Variants in LSR observed in about 807,000 individuals in gnomAD.
LSR encodes lipolysis-stimulated lipoprotein receptor.
LSR carries 44 observed loss-of-function variants against 61.8 expected under a neutral mutation model. The observed-to-expected ratio is 0.71, with a 90% CI of 0.56 to 0.91. The LOEUF is 0.91. Among genes scored for constraint, LSR ranks in the 40% least tolerant of loss-of-function variants. LSR has a pLI of 0.00. For missense variants in LSR, 911 were observed against 830.5 expected (o/e 1.10, Z -1.19); for synonymous variants, 397 against 350.6 (o/e 1.13, Z -1.48).
intron 4 of LSR, 143 bp from the exon 5 acceptor site, chr19:35,262,403 T>C (rs2065941825): frequency 2.1e-6 from 2 of 944,244 alleles, no homozygotes; most frequent in Non-Finnish European, 3.3e-6. Flanking sequence ...GCACAAAAAA[T>C]CCAGCCAGGG....
chr19:35,249,096 T>C lies in LSR; in HGVS notation c.74T>C (p.Val25Ala). ...HPAAAGRDAV[V>A]FVWLLLSTWC... is the part of the protein sequence containing the mutation. ...GCCGCCGCAGGCCGGGACGCGGTCG[T>C]CTTCGTGTGGCTTCTGCTTAGCACC... Residue 25 changes from valine to alanine, a missense_variant, in exon 1 of 10, where the codon GTC becomes GCC. Val to Ala is a moderately conservative substitution (Grantham distance 64). Transcript: ENST00000605618. 6.4e-7 allele frequency: 1 copy of C among 1,553,368 alleles called. No individual in the cohort carries two copies. The highest frequency in any genetic ancestry group is 8.7e-7 in the Non-Finnish European group (1 of 1,150,490).
At chr19:35,265,979 G>C (rs1327872619) in intron 5 of LSR, among the ~76,000 whole-genome samples, 1 of 152,210 alleles carries the variant, frequency 6.6e-6, no homozygotes, top group Admixed American at 6.5e-5. Context: ...ACAGACCATG[G>C]GTGGCCACTT....
rs1254982339 is a variant in LSR, at chr19:35,267,659, G to A, written c.1695G>A (p.Glu565=). ...RRRPHKEEEE[E]AYYPPAPPPY... Reference sequence around the variant, plus strand: ...GACCCCACAAGGAGGAGGAGGAAGAGGCCTACTACCCGCCCGCGCCGCCCC... The same window carrying A: ...GACCCCACAAGGAGGAGGAGGAAGAAGCCTACTACCCGCCCGCGCCGCCCC... Residue 565 remains glutamate (E), a synonymous_variant, in exon 9 of 10, where the codon GAG becomes GAA. Coordinates refer to ENST00000605618, the MANE Select transcript of LSR (RefSeq NM_205834.4). 1.2e-6 allele frequency: 2 copies of A among 1,607,640 alleles called. No individual in the cohort carries two copies. Among genetic ancestry groups the A allele is most frequent in the Non-Finnish European group, 1.7e-6 (2 of 1,177,698 alleles).
chr19:35,255,747 C>G (rs2065848455), intron 2 of LSR, among the ~76,000 whole-genome samples: 1 of 152,178 alleles, frequency 6.6e-6, no homozygotes, highest in Admixed American at 6.5e-5. Context: ...CCACTCCACG[C>G]CTGGCACTCT....
At position 35,266,730 on chromosome 19, in the gene LSR, T is replaced by C; in HGVS notation, c.1004T>C (p.Val335Ala). 1 of 1,608,866 alleles carries C rather than the reference T, an allele frequency of 6.2e-7. No individual in the cohort carries two copies. The highest frequency in any genetic ancestry group is 8.5e-7 in the Non-Finnish European group (1 of 1,177,926). Residue 335 changes from valine to alanine, a missense_variant, in exon 7 of 10, where the codon GTG (valine) becomes GCG (alanine). Coordinates refer to ENST00000605618, the MANE Select transcript of LSR (RefSeq NM_205834.4). ...CTGCTTCGGGACACGGACAGCAGTG[T>C]GGCCTCTGGTGAGAATCCATCGTCC... ...VPLLRDTDSS[V>A]ASEVRSGYRI...
At chr19:35,265,990 C>T (rs1222589030) in intron 5 of LSR, among the ~76,000 whole-genome samples, 1 of 152,216 alleles carries the variant, frequency 6.6e-6, no homozygotes, top group East Asian at 1.9e-4. Flanking sequence ...GTGGCCACTT[C>T]TTCCAGTAAG....
At chr19:35,252,027 G>A (rs1201801773) in intron 2 of LSR, among the ~76,000 whole-genome samples, 1 of 150,400 alleles carries the variant, frequency 6.6e-6, no homozygotes, top group Non-Finnish European at 1.5e-5. Context: ...GTAGAGACGG[G>A]GTTTCACCGT....
intron 2 of LSR, among the ~76,000 whole-genome samples, 196 bp from the exon 3 acceptor site, chr19:35,258,722 GGTCCTGCCTCACAGACTTCTTGCAGTA>G (rs1320433945): frequency 6.6e-6 from 1 of 152,176 alleles, no homozygotes; most frequent in Non-Finnish European, 1.5e-5. Flanking sequence ...AAGTGATAAT[GGTCCTGCCTCACAGACTTCTTGCAGTA>G]GTCCAGGTGT....
At chr19:35,251,913 C>T (rs939790960) in intron 2 of LSR, among the ~76,000 whole-genome samples, 3 of 141,618 alleles carry the variant, frequency 2.1e-5, no homozygotes, top group South Asian at 2.4e-4. Context: ...CGGCTCACTG[C>T]AAGCTCCGCC....
intron 2 of LSR, among the ~76,000 whole-genome samples, chr19:35,252,024 C>T (rs1433009617): frequency 4.0e-5 from 6 of 150,126 alleles, no homozygotes; most frequent in Non-Finnish European, 7.4e-5. Context: ...TTAGTAGAGA[C>T]GGGGTTTCAC....
At chr19:35,250,790 C>A in intron 2 of LSR, 131 bp downstream of exon 2, 3 of 560,100 alleles carry the variant, frequency 5.4e-6, no homozygotes, top group South Asian at 3.9e-5. Context: ...TTGAAGGGAG[C>A]AATTCTTTTT....
chr19:35,261,967 C>A lies in LSR; in HGVS notation c.617C>A (p.Ala206Glu), dbSNP rs151196627. The change falls in exon 4 of 10, where the codon GCG becomes GAG. Residue 206 changes from alanine (A) to glutamate (E), a missense_variant. By Grantham distance (107) the Ala-to-Glu change is moderately radical (BLOSUM62 -1). Coordinates refer to ENST00000605618, the MANE Select transcript of LSR (RefSeq NM_205834.4). ...GVAELLPGFQAGPIEDWLFVV... is the reference protein window; with the variant it reads ...GVAELLPGFQEGPIEDWLFVV... ...GCTGAGCTCTTACCTGGTTTTCAGGCGGGGCCCATAGAAGGTACGGGGGGT... is the reference window on the plus strand; with the variant it reads ...GCTGAGCTCTTACCTGGTTTTCAGGAGGGGCCCATAGAAGGTACGGGGGGT... The A allele has an allele frequency of 3.3e-6, 5 of 1,505,012 alleles. No individual in the cohort carries two copies. The highest frequency in any genetic ancestry group is 4.4e-6 in the Non-Finnish European group (5 of 1,137,074). The allele number at this position is 1,505,012 out of a possible 1,614,324, so 93.2% of individuals were successfully genotyped here. A position where few individuals can be genotyped will look rare whatever the true frequency, so the allele number is the denominator to read the frequency against.
chr19:35,262,232 G>A (rs201364442), intron 4 of LSR, among the ~76,000 whole-genome samples: 20 of 152,168 alleles, frequency 1.3e-4, no homozygotes, highest in East Asian at 9.6e-4. Context: ...AGGGTGTGGC[G>A]TCTGGGCAGC....
In LSR at chr19:35,250,343, G is replaced by A. The variant is rs371197377; in HGVS notation, c.138G>A (p.Val46=). Residue 46 remains valine, a synonymous_variant, in exon 2 of 10, where the codon GTG becomes GTA. Transcript: ENST00000605618. ...CTGCCAGGGCCATCCAGGTGACCGT[G>A]TCCAACCCCTACCACGTGGTGATCC... ...TAPARAIQVT[V]SNPYHVVILF... 53 of 1,571,390 alleles carry A rather than the reference G, an allele frequency of 3.4e-5. No individual in the cohort carries two copies. In the South Asian group the frequency reaches 5.5e-4, roughly 16 times the overall value.
chr19:35,252,375 A>G (rs1306730149), intron 2 of LSR, among the ~76,000 whole-genome samples: 2 of 152,030 alleles, frequency 1.3e-5, no homozygotes, highest in Non-Finnish European at 2.9e-5. Flanking sequence ...AAGTCTGGGC[A>G]CGGTGGCTCA....
chr19:35,267,372 G>GGAA lies in LSR; in HGVS notation c.1409_1410insAAG (p.Arg471dup), dbSNP rs1555753135. 6.9e-6 allele frequency: 11 copies of GGAA among 1,593,648 alleles called. No homozygotes were observed. In the South Asian group the frequency reaches 1.1e-4, roughly 16 times the overall value. On this transcript the variant is annotated inframe_insertion, in exon 9 of 10. Transcript: ENST00000605618. The stretch of plus-strand genomic sequence containing the variant: ...GAGCAGGTCTCCCACGAGTAATGGT[G>GGAA]GGAGAAGCCGGGCCTACATGCCCCC...
chr19:35,257,858 C>G (rs1232699936), intron 2 of LSR, among the ~76,000 whole-genome samples: 1 of 152,152 alleles, frequency 6.6e-6, no homozygotes, highest in Non-Finnish European at 1.5e-5. Flanking sequence ...TTAACAGGCT[C>G]CTTGCCTGCA....
Position 35,267,553 on chromosome 19 carries a change from G to A in LSR, c.1589G>A (p.Gly530Asp). The change falls in exon 9 of 10, where the codon GGC becomes GAC. Residue 530 changes from glycine to aspartate, a missense_variant. Gly to Asp is a moderately conservative substitution (Grantham distance 94). Coordinates refer to ENST00000605618, the MANE Select transcript of LSR (RefSeq NM_205834.4). ...HHRTRDPRDN[G>D]SRSGDLPYDG... ...CGTACCCGGGACCCTCGGGACAACG[G>A]CTCCAGGTCCGGGGACCTCCCCTAT... 6.2e-7 allele frequency: 1 copy of A among 1,612,260 alleles called. No homozygotes were observed. Among genetic ancestry groups the A allele is most frequent in the African/African-American group, 1.3e-5 (1 of 75,034 alleles).
At chr19:35,264,776 C>T (rs1424308056) in intron 5 of LSR, 2 of 152,236 alleles carry the variant, frequency 1.3e-5, no homozygotes, top group Non-Finnish European at 2.9e-5. Flanking sequence ...GCAGAGCTCA[C>T]CACACTGGGT....
Sources: gnomAD v4.1 joint callset for allele counts (sites outside exome capture counted in the v4.1 genomes callset) on GRCh38, gnomAD v4.1.1 for gene constraint, MANE v1.5 for transcripts, NCBI Gene and HGNC (gene_info 2026-07-23, HGNC 2026-07-21) for gene names.